The following PAFAH1B1 variants were observed in gnomAD, a reference collection of about 807,000 sequenced individuals.
PAFAH1B1 encodes platelet-activating factor acetylhydrolase IB subunit beta.
In PAFAH1B1, 2 loss-of-function variants were observed where a neutral mutation model predicts 57.5. The ratio of observed to expected loss-of-function variants is 0.03; its 90% confidence interval spans 0.01 to 0.11. PAFAH1B1 has a LOEUF of 0.11. Among genes scored for constraint, PAFAH1B1 ranks in the 10% least tolerant of loss-of-function variants. PAFAH1B1 has a pLI of 1.00. For missense variants in PAFAH1B1, 257 were observed against 512.0 expected (o/e 0.50, Z 4.81); for synonymous variants, 152 against 169.6 (o/e 0.90, Z 0.81).
chr17:2,607,778 A>T (rs2068222827), intron 1 of PAFAH1B1, among the ~76,000 whole-genome samples: 1 of 151,980 alleles, frequency 6.6e-6, no homozygotes, highest in Non-Finnish European at 1.5e-5. Context: ...GAATCACCGC[A>T]CCCGGCTTGA....
intron 6 of PAFAH1B1, 77 bp downstream of exon 6, chr17:2,670,408 A>G: frequency 7.6e-7 from 1 of 1,316,000 alleles, no homozygotes; most frequent in South Asian, 1.2e-5. Context: ...CTAACAGTGT[A>G]CAGTGTTCCT....
At chr17:2,646,681 C>G (rs2068774155) in intron 2 of PAFAH1B1, among the ~76,000 whole-genome samples, 1 of 152,030 alleles carries the variant, frequency 6.6e-6, no homozygotes, top group South Asian at 2.1e-4. Flanking sequence ...ATTTGAAAAT[C>G]TGAATGACCT....
chr17:2,652,110 A>G (rs1416518542), intron 2 of PAFAH1B1, among the ~76,000 whole-genome samples: 1 of 151,480 alleles, frequency 6.6e-6, no homozygotes, highest in Non-Finnish European at 1.5e-5. Context: ...TGACTTAACA[A>G]TATGTACTTA....
chr17:2,647,149 A>G (rs2068779792), intron 2 of PAFAH1B1, among the ~76,000 whole-genome samples: 3 of 152,170 alleles, frequency 2.0e-5, no homozygotes, highest in Non-Finnish European at 2.9e-5. Flanking sequence ...CAGGAGTTCA[A>G]GGCCAACCTG....
At position 2,674,103 on chromosome 17, in the gene PAFAH1B1, A is replaced by G; in HGVS notation, c.715A>G (p.Met239Val). ...CACAGGACACAGAGAATGGGTACGTATGGTACGGCCAAATCAAGATGGCAC... is the reference window on the plus strand; with the variant it reads ...CACAGGACACAGAGAATGGGTACGTGTGGTACGGCCAAATCAAGATGGCAC... ...TFTGHREWVR[M>V]VRPNQDGTLI... is the part of the protein sequence containing the mutation. The change falls in exon 8 of 11, where the codon ATG (methionine) becomes GTG (valine). Residue 239 changes from methionine (M) to valine (V), a missense_variant. By Grantham distance (21) the Met-to-Val change is conservative (BLOSUM62 1). Transcript: ENST00000397195. The G allele has an allele frequency of 6.2e-7, 1 of 1,614,078 alleles. No homozygotes were observed. Among genetic ancestry groups the G allele is most frequent in the Non-Finnish European group, 8.5e-7 (1 of 1,180,012 alleles).
At chr17:2,654,532 T>C (rs2068911460) in intron 2 of PAFAH1B1, among the ~76,000 whole-genome samples, 1 of 152,180 alleles carries the variant, frequency 6.6e-6, no homozygotes, top group Non-Finnish European at 1.5e-5. Context: ...ATTGTCTATA[T>C]TTTCACTTTC....
chr17:2,603,628 A>G (rs1347780176), intron 1 of PAFAH1B1, among the ~76,000 whole-genome samples: 1 of 151,460 alleles, frequency 6.6e-6, no homozygotes, highest in African/African-American at 2.4e-5. Context: ...GTCTCAAGGA[A>G]AAAAAAAAGT....
At chr17:2,593,525 G>A (rs909968861), upstream of PAFAH1B1, among the ~76,000 whole-genome samples, 1 of 151,158 alleles carries the variant, frequency 6.6e-6, no homozygotes, top group Middle Eastern at 3.4e-3. Flanking sequence ...GGCCCAGCCC[G>A]GCGCATGCGC....
intron 1 of PAFAH1B1, among the ~76,000 whole-genome samples, chr17:2,637,513 G>T (rs373161615): frequency 6.6e-6 from 1 of 152,114 alleles, no homozygotes; most frequent in South Asian, 2.1e-4. Context: ...AAGCCCAGAG[G>T]GGGAAGGCTG....
chr17:2,599,742 GAATTAACTCAACTGGACA>G (rs1336441355), intron 1 of PAFAH1B1, among the ~76,000 whole-genome samples: 4 of 152,146 alleles, frequency 2.6e-5, no homozygotes, highest in Middle Eastern at 3.4e-3. Flanking sequence ...TATAAAAAGT[GAATTAACTCAACTGGACA>G]AATTACCTAT....
At chr17:2,681,087 A>G (rs2069377420) in intron 10 of PAFAH1B1, 1 of 153,354 alleles carries the variant, frequency 6.5e-6, no homozygotes, top group Admixed American at 6.5e-5. Flanking sequence ...CCTCCTGGGA[A>G]CAGGAGACTC....
chr17:2,655,576 G>A (rs1382932489), intron 2 of PAFAH1B1, among the ~76,000 whole-genome samples: 1 of 152,218 alleles, frequency 6.6e-6, no homozygotes, highest in African/African-American at 2.4e-5. Flanking sequence ...TCCGGAGGCA[G>A]AGGTTGCAAT....
chr17:2,667,249 G>T, intron 5 of PAFAH1B1, 51 bp downstream of exon 5: 1 of 1,412,378 alleles, frequency 7.1e-7, no homozygotes, highest in Non-Finnish European at 1.0e-6. Flanking sequence ...CAGGAGAATG[G>T]CATGAACCCG....
intron 1 of PAFAH1B1, chr17:2,614,020 G>GTTTTT (rs1567528392): frequency 2.3e-5 from 2 of 85,460 alleles, no homozygotes; most frequent in Non-Finnish European, 4.4e-5. Context: ...TTATATATTG[G>GTTTTT]GTTTTTTTTT....
intron 9 of PAFAH1B1, among the ~76,000 whole-genome samples, chr17:2,678,432 G>T (rs1247089338): frequency 6.6e-6 from 1 of 150,594 alleles, no homozygotes; most frequent in Non-Finnish European, 1.5e-5. Context: ...CGGGCATGGT[G>T]GCGCACGTCT....
At chr17:2,594,127 T>C in intron 1 of PAFAH1B1, 121 bp downstream of exon 1, 1 of 381,076 alleles carries the variant, frequency 2.6e-6, no homozygotes, top group Non-Finnish European at 4.6e-6. Context: ...CATTCTCCCC[T>C]CCCCCTGCCT....
intron 2 of PAFAH1B1, among the ~76,000 whole-genome samples, chr17:2,663,245 T>G (rs1403977439): frequency 4.0e-5 from 6 of 151,740 alleles, no homozygotes; most frequent in Admixed American, 6.6e-5. Flanking sequence ...ACCACTGCAC[T>G]CCAGCCTGGG....
chr17:2,648,522 C>CA (rs1476109908), intron 2 of PAFAH1B1, among the ~76,000 whole-genome samples: 7 of 151,472 alleles, frequency 4.6e-5, no homozygotes, highest in African/African-American at 1.5e-4. Flanking sequence ...ACTAAAAATA[C>CA]AAAAAAATAG....
intron 5 of PAFAH1B1, 50 bp downstream of exon 5, chr17:2,667,248 G>T (rs765972890): frequency 7.0e-7 from 1 of 1,423,140 alleles, no homozygotes; most frequent in Non-Finnish European, 9.9e-7. Flanking sequence ...GCAGGAGAAT[G>T]GCATGAACCC....
Sources: gnomAD v4.1 joint callset for allele counts (sites outside exome capture counted in the v4.1 genomes callset) on GRCh38, gnomAD v4.1.1 for gene constraint, MANE v1.5 for transcripts, NCBI Gene and HGNC (gene_info 2026-07-23, HGNC 2026-07-21) for gene names.